Variants in ITIH5 observed in about 807,000 individuals in gnomAD.
ITIH5 encodes inter-alpha-trypsin inhibitor heavy chain H5.
ITIH5 carries 65 observed loss-of-function variants against 77.5 expected under a neutral mutation model. The ratio of observed to expected loss-of-function variants is 0.84; its 90% CI spans 0.69 to 1.03. The LOEUF (loss-of-function observed/expected upper bound fraction) is 1.03. ITIH5 is among the 50% of genes least tolerant of loss of function. The pLI is 0.00. For synonymous variants in ITIH5, 525 were observed against 494.3 expected (o/e 1.06, Z -0.82); for missense variants, 1,208 against 1,213.1 (o/e 1.00, Z 0.06).
chr10:7,585,907 T>C lies in ITIH5; in HGVS notation c.1102A>G (p.Thr368Ala). ...GKVYIHHMSP[T>A]GGTDINGALQ... The stretch of plus-strand genomic sequence containing the variant: ...AAGAAGGTGTCATCTTTACCTCCAG[T>C]GGGTGACATATGGTGAATGTACACT... The change falls in exon 8 of 14, where the codon ACT (threonine) becomes GCT (alanine). Residue 368 changes from threonine to alanine, a missense_variant. Transcript: ENST00000397146. 6.2e-7 allele frequency: 1 copy of C among 1,607,208 alleles called. No individual in the cohort carries two copies. Among genetic ancestry groups the C allele is most frequent in the Non-Finnish European group, 8.5e-7 (1 of 1,177,212 alleles).
chr10:7,585,486 T>C (rs1832653111), intron 8 of ITIH5, among the ~76,000 whole-genome samples: 1 of 152,170 alleles, frequency 6.6e-6, no homozygotes, highest in African/African-American at 2.4e-5. Context: ...CCAAGAGGGC[T>C]CCTTGTTTTG....
chr10:7,632,599 T>G (rs545394882), intron 5 of ITIH5, among the ~76,000 whole-genome samples: 2 of 152,292 alleles, frequency 1.3e-5, no homozygotes, highest in East Asian at 1.9e-4. Flanking sequence ...TAATCACTCA[T>G]AGATTTTTAA....
At chr10:7,664,357 G>T (rs1323072190) in intron 1 of ITIH5, among the ~76,000 whole-genome samples, 1 of 148,400 alleles carries the variant, frequency 6.7e-6, no homozygotes, top group Non-Finnish European at 1.5e-5. Flanking sequence ...CAGAGAGCCT[G>T]CCACTGCACT....
chr10:7,650,655 G>T (rs772573721), intron 2 of ITIH5, among the ~76,000 whole-genome samples: 1 of 151,608 alleles, frequency 6.6e-6, no homozygotes, highest in Non-Finnish European at 1.5e-5. Flanking sequence ...AGAATCACTT[G>T]AACCCGGGAA....
chr10:7,610,555 T>C (rs979865384), intron 7 of ITIH5, among the ~76,000 whole-genome samples: 11 of 152,230 alleles, frequency 7.2e-5, no homozygotes, highest in African/African-American at 1.9e-4. Flanking sequence ...TGATTCTTAA[T>C]AGAATCCATG....
At chr10:7,589,797 G>C (rs1832756295) in intron 7 of ITIH5, among the ~76,000 whole-genome samples, 1 of 151,988 alleles carries the variant, frequency 6.6e-6, no homozygotes, top group South Asian at 2.1e-4. Flanking sequence ...CACCCAAGGT[G>C]TGCCAGCACT....
At chr10:7,650,283 T>C (rs1376396789) in intron 2 of ITIH5, among the ~76,000 whole-genome samples, 1 of 152,218 alleles carries the variant, frequency 6.6e-6, no homozygotes, top group African/African-American at 2.4e-5. Context: ...GTCTAACCAG[T>C]CTTTAGCAAC....
At chr10:7,592,309 G>C (rs922036887) in intron 7 of ITIH5, among the ~76,000 whole-genome samples, 1 of 152,184 alleles carries the variant, frequency 6.6e-6, no homozygotes, top group South Asian at 2.1e-4. Flanking sequence ...TGGACAGGGA[G>C]TTCCTCAAAA....
intron 5 of ITIH5, among the ~76,000 whole-genome samples, chr10:7,625,154 A>G (rs772447252): frequency 1.3e-5 from 2 of 152,040 alleles, no homozygotes; most frequent in Admixed American, 1.3e-4. Context: ...CACACAGTGC[A>G]ATATAATTCA....
chr10:7,584,000 A>G (rs560574668), intron 8 of ITIH5, among the ~76,000 whole-genome samples: 1 of 152,338 alleles, frequency 6.6e-6, no homozygotes, highest in South Asian at 2.1e-4. Flanking sequence ...GGACCATTCT[A>G]ACCACTTGAA....
chr10:7,644,612 TCAC>T (rs1833956875), intron 2 of ITIH5, among the ~76,000 whole-genome samples: 1 of 111,934 alleles, frequency 8.9e-6, no homozygotes, highest in Non-Finnish European at 1.9e-5. Flanking sequence ...ATCACATATA[TCAC>T]ATATATATCA....
rs1833638234 is a variant in ITIH5 at position 7,628,790 on chromosome 10, CATATGTAT to C, written c.652+8430_652+8437del. Among the ~76,000 whole-genome samples the C allele has an allele frequency of 8.1e-5, 10 of 123,040 alleles. 2 individuals are homozygous for C. Among genetic ancestry groups the C allele is most frequent in the Non-Finnish European group, 1.8e-4 (10 of 56,184 alleles). The allele number at this position is 123,040 out of a possible 152,430, so 80.7% of individuals were successfully genotyped here. On this transcript the variant is annotated intron_variant, in intron 5 of 13. Coordinates refer to ENST00000397146, the MANE Select transcript of ITIH5 (RefSeq NM_030569.7). ...ATGTTGTAGCGTGTGTCCATGTTAT[CATATGTAT>C]CTGTGTTTTTGCATGTGTCCATGTT...
chr10:7,637,560 C>T (rs970105589), intron 4 of ITIH5, 82 bp from the exon 5 acceptor site: 72 of 1,410,988 alleles, frequency 5.1e-5, no homozygotes, highest in South Asian at 8.0e-5. Flanking sequence ...AGGGCACCAG[C>T]CATACCCTCT....
Position 7,581,366 on chromosome 10 carries a change from G to A in ITIH5, c.1109-1302C>T, listed in dbSNP as rs989040840. The stretch of plus-strand genomic sequence containing the variant: ...AATATGTGGCTTAGAAAAACCATAC[G>A]AAACAGAAAACAAATCTCAACTCTG... On this transcript the variant is annotated intron_variant, in intron 8 of 13. Coordinates refer to ENST00000397146, the MANE Select transcript of ITIH5 (RefSeq NM_030569.7). Among the ~76,000 whole-genome samples the A allele has an allele frequency of 1.1e-4, 17 of 152,248 alleles. No individual in the cohort carries two copies. In the East Asian group the frequency reaches 2.3e-3, roughly 21 times the overall value.
intron 7 of ITIH5, among the ~76,000 whole-genome samples, chr10:7,611,396 A>G (rs985313877): frequency 6.6e-6 from 1 of 152,218 alleles, no homozygotes; most frequent in Non-Finnish European, 1.5e-5. Context: ...AATTTAGTTC[A>G]TTAGTTTTTC....
chr10:7,644,871 T>A (rs1392497031), intron 2 of ITIH5, among the ~76,000 whole-genome samples: 1 of 126,692 alleles, frequency 7.9e-6, no homozygotes, highest in Non-Finnish European at 1.6e-5. Flanking sequence ...CACATATATA[T>A]CACATATATA....
intron 5 of ITIH5, among the ~76,000 whole-genome samples, chr10:7,632,996 C>A (rs1833736635): frequency 6.6e-6 from 1 of 152,180 alleles, no homozygotes; most frequent in Non-Finnish European, 1.5e-5. Context: ...AGTAGAGTAA[C>A]CAGCCTTAAA....
Position 7,617,290 on chromosome 10 carries a change from C to A in ITIH5, c.653-8G>T. The A allele has an allele frequency of 6.7e-7, 1 of 1,501,398 alleles. No homozygotes were observed. The highest frequency in any genetic ancestry group is 1.4e-5 in the South Asian group (1 of 72,448). The allele number at this position is 1,501,398 out of a possible 1,614,324, so 93.0% of individuals were successfully genotyped here. A position where few individuals can be genotyped will look rare whatever the true frequency, so the allele number is the denominator to read the frequency against. ...GGGGAGGCCCAGAATCATCTGCAAA[C>A]AAGATAGAAACATAATTAATAACTT... is the stretch of plus-strand genomic sequence containing the variant. On this transcript the variant is annotated splice_polypyrimidine_tract_variant and splice_region_variant and intron_variant, in intron 5 of 13. Transcript: ENST00000397146.
intron 5 of ITIH5, among the ~76,000 whole-genome samples, chr10:7,622,707 A>C (rs1564265539): frequency 6.6e-6 from 1 of 152,236 alleles, no homozygotes; most frequent in Non-Finnish European, 1.5e-5. Context: ...TATATAAAGA[A>C]TAATCTTTAA....
Sources: allele counts gnomAD v4.1 joint callset (sites outside exome capture counted in the v4.1 genomes callset), GRCh38; gene constraint gnomAD v4.1.1; transcripts MANE v1.5; gene names NCBI Gene and HGNC (gene_info 2026-07-23, HGNC 2026-07-21).